Variants in ADGRA2 observed in about 807,000 individuals in gnomAD.
ADGRA2 encodes G-protein coupled receptor 124.
Under a neutral mutation model 98.7 loss-of-function variants are expected in ADGRA2, and 61 were observed. The ratio of observed to expected loss-of-function variants is 0.62; its 90% CI spans 0.50 to 0.76. ADGRA2 has a LOEUF of 0.76. Among genes scored for constraint, ADGRA2 ranks in the 30% least tolerant of loss-of-function variants. The pLI is 0.00. For synonymous variants in ADGRA2, 858 were observed against 831.5 expected (o/e 1.03, Z -0.55); for missense variants, 1,712 against 1,860.0 (o/e 0.92, Z 1.46).
intron 1 of ADGRA2, among the ~76,000 whole-genome samples, chr8:37,811,405 C>A (rs565657034): frequency 6.7e-6 from 1 of 150,262 alleles, no homozygotes; most frequent in African/African-American, 2.4e-5. Flanking sequence ...CTCCTGACCT[C>A]AGGTGATCTG....
At chr8:37,816,700 G>T (rs567696039) in intron 2 of ADGRA2, among the ~76,000 whole-genome samples, 10 of 146,830 alleles carry the variant, frequency 6.8e-5, no homozygotes, top group Non-Finnish European at 1.0e-4. Context: ...GGTGGATCAC[G>T]AGGTCAGGAG....
chr8:37,839,719 C>G (rs1836924213), intron 16 of ADGRA2, 97 bp downstream of exon 16: 1 of 1,470,120 alleles, frequency 6.8e-7, no homozygotes, highest in African/African-American at 1.4e-5. Context: ...AAGGCTGGTG[C>G]TCATAGGCCG....
chr8:37,839,131 G>A (rs776944901), intron 15 of ADGRA2, 48 bp downstream of exon 15: 1 of 1,608,176 alleles, frequency 6.2e-7, no homozygotes, highest in African/African-American at 1.3e-5. Flanking sequence ...GCATGGAAGG[G>A]GCCCCTACCC....
intron 1 of ADGRA2, among the ~76,000 whole-genome samples, chr8:37,804,132 C>CACACACAT (rs1563337094): frequency 3.3e-5 from 5 of 151,304 alleles, no homozygotes; most frequent in East Asian, 3.9e-4. Context: ...CACACACACA[C>CACACACAT]ACACACACAC....
At chr8:37,832,927 C>A in intron 8 of ADGRA2, 83 bp from the exon 9 acceptor site, 1 of 1,077,584 alleles carries the variant, frequency 9.3e-7, no homozygotes, top group Non-Finnish European at 1.4e-6. Context: ...CCAAGGAGTC[C>A]GGCCTCACCG....
Position 37,797,357 on chromosome 8 carries a change from A to T in ADGRA2, c.89A>T (p.Glu30Val). The T allele has an allele frequency of 7.1e-7, 1 of 1,409,676 alleles. No homozygotes were observed. 87.3% of individuals were successfully genotyped at this position (1,409,676 alleles called of 1,614,324 possible). A position where few individuals can be genotyped will look rare whatever the true frequency, so the allele number is the denominator to read the frequency against. ...TGGCTCCTGCTGCTCCTGGCGCCCGAGGCTCGGGGCGCGCCCGGCTGCCCG... is the reference window on the plus strand; with the variant it reads ...TGGCTCCTGCTGCTCCTGGCGCCCGTGGCTCGGGGCGCGCCCGGCTGCCCG... ...LPWLLLLLAP[E>V]ARGAPGCPLS... The change falls in exon 1 of 19, where the codon GAG (glutamate) becomes GTG (valine). Residue 30 changes from glutamate (E) to valine (V), a missense_variant. Physicochemically the swap from Glu to Val is moderately radical, Grantham distance 121. Coordinates refer to ENST00000412232, the MANE Select transcript of ADGRA2 (RefSeq NM_032777.10). The surrounding 1 kb of genome is among the most constrained non-coding windows in gnomAD (Gnocchi z 5.3).
Position 37,829,523 on chromosome 8 carries a change from C to T in ADGRA2, c.518C>T (p.Pro173Leu). ...ISGNIFSSLQ[P>L]GVFDELPALK... ...GGAAACATCTTCTCCAGTCTGCAAC[C>T]TGGGGTCTTTGATGAGCTGCCAGCC... The change falls in exon 5 of 19, where the codon CCT becomes CTT. Residue 173 changes from proline to leucine, a missense_variant. By Grantham distance (98) the Pro-to-Leu change is moderately conservative. Coordinates refer to ENST00000412232, the MANE Select transcript of ADGRA2 (RefSeq NM_032777.10). 1 of 1,613,764 alleles carries T rather than the reference C, an allele frequency of 6.2e-7. No individual in the cohort carries two copies. The highest frequency in any genetic ancestry group is 8.5e-7 in the Non-Finnish European group (1 of 1,179,674).
rs757238253 is a variant in ADGRA2, at chr8:37,833,076, G to A, written c.1164G>A (p.Val388=). 21 of 1,612,718 alleles carry A rather than the reference G, an allele frequency of 1.3e-5. No homozygotes were observed. The South Asian group carries it at 2.2e-4, about 17-fold the overall frequency. The part of the protein sequence containing the change: ...QSCLQYPFTS[V]PLGGGAPGTR... ...GCCTGCAGTATCCCTTCACCTCAGT[G>A]CCCCTGGGCGGGGGTGCCCCGGGCA... Residue 388 remains valine, a synonymous_variant, in exon 9 of 19, where the codon GTG becomes GTA. Transcript: ENST00000412232.
chr8:37,831,417 C>T lies in ADGRA2; in HGVS notation c.933-6C>T, dbSNP rs201046567. ...CTCACGAGCCAGCTCCACCTGCCACCCGCAGTGAGCTGACGCTGTCTCACA... is the reference window on the plus strand; with the variant it reads ...CTCACGAGCCAGCTCCACCTGCCACTCGCAGTGAGCTGACGCTGTCTCACA... On this transcript the variant is annotated splice_polypyrimidine_tract_variant and splice_region_variant and intron_variant, in intron 7 of 18. Transcript: ENST00000412232. The T allele has an allele frequency of 5.5e-5, 89 of 1,608,894 alleles. No individual in the cohort carries two copies. The East Asian group carries it at 2.0e-3, about 35-fold the overall frequency.
In ADGRA2 at chr8:37,817,320, C is replaced by T. The variant is rs1028235336; in HGVS notation, c.338+2353C>T. Among the ~76,000 whole-genome samples, 23 of 152,272 alleles carry T rather than the reference C, an allele frequency of 1.5e-4. No individual in the cohort carries two copies. The East Asian group carries it at 3.3e-3, about 22-fold the overall frequency. ...GGATGGTGACAGTGACATTTGCACG[C>T]GGCTCCGTGACTAGGTCCCTCTAAC... On this transcript the variant is annotated intron_variant, in intron 2 of 18. Transcript: ENST00000412232.
chr8:37,809,208 A>C (rs1463717964), intron 1 of ADGRA2, among the ~76,000 whole-genome samples: 1 of 149,832 alleles, frequency 6.7e-6, no homozygotes, highest in African/African-American at 2.4e-5. Flanking sequence ...AGGTGAGAGG[A>C]TTGCTTGAGC....
In ADGRA2 at chr8:37,841,448, C is replaced by T. The variant is rs772018113; in HGVS notation, c.3110C>T (p.Ala1037Val). ...TACTTGGCCATGTGGGCCTGCGGGG[C>T]TCTGGCAGTGTCCCAGCGCTGGCTG... Reference protein sequence around the residue: ...FLYLAMWACGALAVSQRWLPR... With the variant: ...FLYLAMWACGVLAVSQRWLPR... Residue 1037 changes from alanine (A) to valine (V), a missense_variant, in exon 19 of 19, where the codon GCT (alanine) becomes GTT (valine). Transcript: ENST00000412232. The surrounding 1 kb of genome is among the most constrained non-coding windows in gnomAD (Gnocchi z 5.0). 6.2e-7 allele frequency: 1 copy of T among 1,612,972 alleles called. No individual in the cohort carries two copies. The highest frequency in any genetic ancestry group is 8.5e-7 in the Non-Finnish European group (1 of 1,179,844).
At chr8:37,823,719 C>T (rs897343201) in intron 2 of ADGRA2, among the ~76,000 whole-genome samples, 1 of 152,208 alleles carries the variant, frequency 6.6e-6, no homozygotes, top group Non-Finnish European at 1.5e-5. Context: ...TCGTCATCAA[C>T]ACTTGCTGGA....
Position 37,842,828 on chromosome 8 carries a change from T to G in ADGRA2, c.*473T>G. On this transcript the variant is annotated 3_prime_UTR_variant, in exon 19 of 19. Transcript: ENST00000412232. ...CCTAGGTCCCTTTTCCTCCCGAGTT[T>G]GGCTGGCACGAGAGCTAGCCCAGCA... 6.4e-6 allele frequency: 1 copy of G among 156,018 alleles called. No homozygotes were observed. The highest frequency in any genetic ancestry group is 1.4e-5 in the Non-Finnish European group (1 of 70,378). The allele number at this position is 156,018 out of a possible 1,614,324, so 9.7% of individuals were successfully genotyped here. A position where few individuals can be genotyped will look rare whatever the true frequency, so the allele number is the denominator to read the frequency against.
At chr8:37,801,577 A>C (rs1804507911) in intron 1 of ADGRA2, among the ~76,000 whole-genome samples, 2 of 152,222 alleles carry the variant, frequency 1.3e-5, no homozygotes, top group South Asian at 4.1e-4. Context: ...AGATAACTCC[A>C]GAAGGAAATC....
At position 37,828,481 on chromosome 8, in the gene ADGRA2, CTT is replaced by C. The variant is rs35779657; in HGVS notation, c.339-385_339-384del. 3.1e-3 allele frequency among the ~76,000 whole-genome samples: 256 copies of C among 82,968 alleles called. 1 individual carries two copies. Among genetic ancestry groups the C allele is most frequent in the African/African-American group, 0.012 (248 of 20,328 alleles). 54.4% of individuals were successfully genotyped at this position (82,968 alleles called of 152,430 possible). On this transcript the variant is annotated intron_variant, in intron 2 of 18. Coordinates refer to ENST00000412232, the MANE Select transcript of ADGRA2 (RefSeq NM_032777.10). ...AGGAGGCCTGTCCGAGGGGGTGGTT[CTT>C]TTTTTTTTTTTTTTTTTTTTTGAGA...
intron 2 of ADGRA2, among the ~76,000 whole-genome samples, chr8:37,815,403 G>T (rs114974491): frequency 0.014 from 2,113 of 152,344 alleles, 48 homozygotes; most frequent in African/African-American, 0.048. Context: ...TGAGGGTGGG[G>T]AAGTCCGATC....
At chr8:37,839,345 T>C in intron 15 of ADGRA2, 154 bp from the exon 16 acceptor site, 1 of 903,814 alleles carries the variant, frequency 1.1e-6, no homozygotes, top group Non-Finnish European at 1.3e-6. Context: ...CTTTGAGGGG[T>C]TAAGGACTCC....
chr8:37,802,982 G>A lies in ADGRA2; in HGVS notation c.266+5448G>A, dbSNP rs955625873. On this transcript the variant is annotated intron_variant, in intron 1 of 18. Transcript: ENST00000412232. The surrounding 1 kb of genome is among the most constrained non-coding windows in gnomAD (Gnocchi z 4.7). ...CCCAACCACTCCTGAAGCCACCGAA[G>A]TCCCTGCCTGCTGGCTACCACGGCT... 3.3e-5 allele frequency among the ~76,000 whole-genome samples: 5 copies of A among 152,200 alleles called. No individual in the cohort carries two copies. Among genetic ancestry groups the A allele is most frequent in the Admixed American group, 1.3e-4 (2 of 15,282 alleles).
Sources: allele counts gnomAD v4.1 joint callset (sites outside exome capture counted in the v4.1 genomes callset), GRCh38; gene constraint gnomAD v4.1.1; non-coding constraint Gnocchi (gnomAD v3.1); transcripts MANE v1.5; gene names NCBI Gene and HGNC (gene_info 2026-07-23, HGNC 2026-07-21).